Variants in HMOX1 observed in about 807,000 individuals in gnomAD.
The protein encoded by HMOX1 is heme oxygenase 1.
HMOX1 carries 22 observed loss-of-function variants against 27.8 expected under a neutral mutation model. The observed-to-expected ratio is 0.79, with a 90% CI of 0.57 to 1.13. The LOEUF (loss-of-function observed/expected upper bound fraction) is 1.13, where lower values mean the gene tolerates loss of function less well. Ranked by LOEUF, HMOX1 falls within the 50% of genes most tolerant of loss-of-function variation. The pLI is 0.00. For missense variants in HMOX1, 379 were observed against 377.7 expected (o/e 1.00, Z -0.03); for synonymous variants, 153 against 151.6 (o/e 1.01, Z -0.07).
intron 3 of HMOX1, among the ~76,000 whole-genome samples, chr22:35,388,619 C>T (rs1931567572): frequency 6.6e-6 from 1 of 151,682 alleles, no homozygotes; most frequent in East Asian, 1.9e-4. Flanking sequence ...AACCCCATCT[C>T]TACTAAAAAA....
At position 35,389,442 on chromosome 22, in the gene HMOX1, TTCTTTCTTTTCTTTCTTTCTTGCA is replaced by T. The variant is rs1257996207; in HGVS notation, c.637-421_637-398del. Among the ~76,000 whole-genome samples the T allele has an allele frequency of 5.7e-5, 7 of 122,310 alleles. 1 individual carries two copies. The highest frequency in any genetic ancestry group is 3.0e-4 in the African/African-American group (7 of 23,206). 80.2% of individuals were successfully genotyped at this position (122,310 alleles called of 152,430 possible). On this transcript the variant is annotated intron_variant, in intron 3 of 4. Coordinates refer to ENST00000216117, the MANE Select transcript of HMOX1 (RefSeq NM_002133.3). Reference sequence around the variant, plus strand: ...TTTCTTTCTTTCTATCTTTCTTTCTTTCTTTCTTTTCTTTCTTTCTTGCAGAGTCTCGCCCTGTCACCCGGGCTG... The same window carrying T: ...TTTCTTTCTTTCTATCTTTCTTTCTTGAGTCTCGCCCTGTCACCCGGGCTG...
chr22:35,388,136 A>AG (rs1205921835), intron 3 of HMOX1, among the ~76,000 whole-genome samples: 1 of 151,888 alleles, frequency 6.6e-6, no homozygotes, highest in African/African-American at 2.4e-5. Context: ...TAAAGGAAAA[A>AG]AATGTTTTTA....
chr22:35,389,351 C>T (rs1430317568), intron 3 of HMOX1, among the ~76,000 whole-genome samples: 16 of 39,982 alleles, frequency 4.0e-4, no homozygotes, highest in Middle Eastern at 0.012. Flanking sequence ...CTCCTTCCTT[C>T]CTTCCTTCCT....
At chr22:35,391,628 C>G (rs1363840085) in intron 4 of HMOX1, among the ~76,000 whole-genome samples, 3 of 125,596 alleles carry the variant, frequency 2.4e-5, no homozygotes, top group African/African-American at 9.3e-5. Flanking sequence ...GGGTCTCGCT[C>G]TTTCACCCAG....
intron 1 of HMOX1, chr22:35,381,466 A>ATT: frequency 2.3e-4 from 107 of 474,174 alleles, no homozygotes; most frequent in Middle Eastern, 5.0e-4. Context: ...GAGGTAGCCA[A>ATT]TTTTTTTTTT....
rs1569057583 is a variant in HMOX1, at chr22:35,389,387, C to CCTTT, written c.637-474_637-473insTCTT. ...TCCTTCCTTCCTTCCTTCCTTCCTT[C>CCTTT]CTTCCTTCCTTTCTTTCTTTCTTTC... On this transcript the variant is annotated intron_variant, in intron 3 of 4. Coordinates refer to ENST00000216117, the MANE Select transcript of HMOX1 (RefSeq NM_002133.3). 2.6e-3 allele frequency among the ~76,000 whole-genome samples: 134 copies of CCTTT among 51,220 alleles called. 10 individuals are homozygous for CCTTT. The highest frequency in any genetic ancestry group is 7.6e-3 in the African/African-American group (56 of 7,416). The allele number at this position is 51,220 out of a possible 152,430, so 33.6% of individuals were successfully genotyped here.
chr22:35,390,381 G>A (rs1406428882), intron 4 of HMOX1: 2 of 290,258 alleles, frequency 6.9e-6, no homozygotes, highest in East Asian at 9.0e-5. Flanking sequence ...CCACCACCAT[G>A]CCTGGCTAAT....
chr22:35,392,491 C>A (rs1413917654), intron 4 of HMOX1, among the ~76,000 whole-genome samples: 1 of 152,086 alleles, frequency 6.6e-6, no homozygotes, highest in Non-Finnish European at 1.5e-5. Context: ...CTTCCTGTGA[C>A]CGCAGCCCTG....
intron 2 of HMOX1, among the ~76,000 whole-genome samples, chr22:35,385,019 G>A (rs1330296205): frequency 6.6e-6 from 1 of 151,856 alleles, no homozygotes; most frequent in Non-Finnish European, 1.5e-5. Flanking sequence ...GAATGTTTGT[G>A]GCTCAGAAAT....
At position 35,383,231 on chromosome 22, in the gene HMOX1, G is replaced by T; in HGVS notation, c.144+5G>T. 1 of 1,613,096 alleles carries T rather than the reference G, an allele frequency of 6.2e-7. No homozygotes were observed. The highest frequency in any genetic ancestry group is 8.5e-7 in the Non-Finnish European group (1 of 1,179,274). On this transcript the variant is annotated splice_donor_5th_base_variant and intron_variant, in intron 2 of 4. Transcript: ENST00000216117. ...GTGACCCGAGACGGCTTCAAGGTAT[G>T]TGGCTTGGTGGGACTAGCCCTGGTG...
intron 4 of HMOX1, chr22:35,390,211 C>T: frequency 1.9e-6 from 1 of 530,556 alleles, no homozygotes; most frequent in Non-Finnish European, 3.4e-6. Flanking sequence ...CAGGCGCGAG[C>T]CACCATGCCA....
Position 35,393,714 on chromosome 22 carries a change from C to T in HMOX1, c.*116C>T. The T allele has an allele frequency of 2.5e-6, 3 of 1,197,674 alleles. No individual in the cohort carries two copies. In the South Asian group the frequency reaches 3.7e-5, roughly 15 times the overall value. 74.2% of individuals were successfully genotyped at this position (1,197,674 alleles called of 1,614,324 possible). A position where few individuals can be genotyped will look rare whatever the true frequency, so the allele number is the denominator to read the frequency against. ...CGTGGGCACTGAAGGCTTTCAGGGC[C>T]TCCAGCCCTCTCACTGTGTCCCTCT... On this transcript the variant is annotated 3_prime_UTR_variant, in exon 5 of 5. Coordinates refer to ENST00000216117, the MANE Select transcript of HMOX1 (RefSeq NM_002133.3).
chr22:35,384,283 C>T (rs1931456259), intron 2 of HMOX1, among the ~76,000 whole-genome samples: 1 of 152,026 alleles, frequency 6.6e-6, no homozygotes, highest in Admixed American at 6.6e-5. Flanking sequence ...AGGGTTTTAC[C>T]ATGTTGGCCA....
In HMOX1 at chr22:35,393,762, T is replaced by C; in HGVS notation, c.*164T>C. On this transcript the variant is annotated 3_prime_UTR_variant, in exon 5 of 5. Coordinates refer to ENST00000216117, the MANE Select transcript of HMOX1 (RefSeq NM_002133.3). ...TCTCTCTGGAAAGGAGGAAGGAGCCTATGGCATCTTCCCCAACGAAAAGCA... is the reference window on the plus strand; with the variant it reads ...TCTCTCTGGAAAGGAGGAAGGAGCCCATGGCATCTTCCCCAACGAAAAGCA... 2.4e-6 allele frequency: 2 copies of C among 843,604 alleles called. No homozygotes were observed. Among genetic ancestry groups the C allele is most frequent in the Non-Finnish European group, 2.0e-6 (1 of 511,460 alleles). 52.3% of individuals were successfully genotyped at this position (843,604 alleles called of 1,614,324 possible).
chr22:35,384,122 T>C (rs1931451110), intron 2 of HMOX1, among the ~76,000 whole-genome samples: 1 of 151,960 alleles, frequency 6.6e-6, no homozygotes, highest in African/African-American at 2.4e-5. Flanking sequence ...CACTCTGTTG[T>C]CCGGGCTGGA....
chr22:35,381,116 CG>C lies in HMOX1; in HGVS notation c.-57del, dbSNP rs924809878. Reference sequence around the variant, plus strand: ...CAGTCAACGCCTGCCTCCTCTCGAGCGTCCTCAGCGCAGCCGCCGCCCGCGG... The same window carrying C: ...CAGTCAACGCCTGCCTCCTCTCGAGCTCCTCAGCGCAGCCGCCGCCCGCGG... On this transcript the variant is annotated 5_prime_UTR_variant, in exon 1 of 5. Transcript: ENST00000216117. 4 of 1,533,370 alleles carry C rather than the reference CG, an allele frequency of 2.6e-6. No homozygotes were observed. In the African/African-American group the frequency reaches 5.5e-5, roughly 21 times the overall value. 95.0% of individuals were successfully genotyped at this position (1,533,370 alleles called of 1,614,324 possible).
At chr22:35,388,669 C>T (rs568534705) in intron 3 of HMOX1, among the ~76,000 whole-genome samples, 7 of 151,778 alleles carry the variant, frequency 4.6e-5, no homozygotes, top group African/African-American at 9.7e-5. Context: ...TGGTGGTGGG[C>T]ACCTGTAGTC....
intron 2 of HMOX1, among the ~76,000 whole-genome samples, chr22:35,384,235 C>T (rs1274613135): frequency 6.6e-6 from 1 of 152,114 alleles, no homozygotes; most frequent in Non-Finnish European, 1.5e-5. Context: ...GTGCCCACCA[C>T]CACACCTGGC....
rs540109803 is a variant in HMOX1 at position 35,389,275 on chromosome 22, C to T, written c.637-589C>T. ...TTCTCTCTCTCTCTCTCTCTCTCTC[C>T]TCTCTCTCTCTCTCTTCTTTCTTCT... is the stretch of plus-strand genomic sequence containing the variant. On this transcript the variant is annotated intron_variant, in intron 3 of 4. Coordinates refer to ENST00000216117, the MANE Select transcript of HMOX1 (RefSeq NM_002133.3). Among the ~76,000 whole-genome samples the T allele has an allele frequency of 4.8e-3, 433 of 90,996 alleles. 37 individuals are homozygous for T. Among genetic ancestry groups the T allele is most frequent in the Non-Finnish European group, 5.7e-3 (298 of 52,566 alleles). 59.7% of individuals were successfully genotyped at this position (90,996 alleles called of 152,430 possible). A position where few individuals can be genotyped will look rare whatever the true frequency, so the allele number is the denominator to read the frequency against.
Sources: gnomAD v4.1 joint callset for allele counts (sites outside exome capture counted in the v4.1 genomes callset) on GRCh38, gnomAD v4.1.1 for gene constraint, MANE v1.5 for transcripts, NCBI Gene and HGNC (gene_info 2026-07-23, HGNC 2026-07-21) for gene names.